The following CLSTN2 variants were observed in gnomAD, a reference collection of about 807,000 sequenced individuals.
The protein encoded by CLSTN2 is calsyntenin 2.
CLSTN2 carries 48 observed loss-of-function variants against 101.2 expected under a neutral mutation model. The observed-to-expected ratio is 0.47, with a 90% CI of 0.38 to 0.60. CLSTN2 has a LOEUF of 0.60. Among genes scored for constraint, CLSTN2 ranks in the 20% least tolerant of loss-of-function variants. The pLI, the probability that CLSTN2 is intolerant of heterozygous loss-of-function variation, is 0.00. For synonymous variants in CLSTN2, 481 were observed against 463.6 expected (o/e 1.04, Z -0.48); for missense variants, 1,160 against 1,238.2 (o/e 0.94, Z 0.95).
At chr3:140,490,588 T>C (rs1383223766) in intron 8 of CLSTN2, among the ~76,000 whole-genome samples, 3 of 142,732 alleles carry the variant, frequency 2.1e-5, no homozygotes, top group Non-Finnish European at 4.6e-5. Context: ...GAGCGAGACC[T>C]TGTCTCAGAA....
intron 1 of CLSTN2, among the ~76,000 whole-genome samples, chr3:140,065,941 T>C (rs2008291848): frequency 6.6e-6 from 1 of 152,220 alleles, no homozygotes; most frequent in Non-Finnish European, 1.5e-5. Flanking sequence ...ATGGTTTTCA[T>C]GTTTTCATGA....
chr3:140,000,116 G>A (rs1422015726), intron 1 of CLSTN2, among the ~76,000 whole-genome samples: 2 of 151,282 alleles, frequency 1.3e-5, no homozygotes, highest in African/African-American at 2.4e-5. Flanking sequence ...AGCAGTGTGG[G>A]GCTAGCAATG....
At chr3:140,008,535 TCTTGCAATGTGTGGGGGTC>T (rs1039888853) in intron 1 of CLSTN2, among the ~76,000 whole-genome samples, 2 of 152,216 alleles carry the variant, frequency 1.3e-5, no homozygotes, top group East Asian at 3.9e-4. Context: ...AGGCAGCTGT[TCTTGCAATGTGTGGGGGTC>T]CTCCGGGGCC....
chr3:140,115,806 G>A (rs769672453), intron 1 of CLSTN2, among the ~76,000 whole-genome samples: 33 of 152,286 alleles, frequency 2.2e-4, no homozygotes, highest in Admixed American at 1.0e-3. Flanking sequence ...CAACTGCTCC[G>A]AAGCTTTCAT....
At chr3:140,425,430 A>C (rs1190397370) in intron 5 of CLSTN2, among the ~76,000 whole-genome samples, 1 of 152,252 alleles carries the variant, frequency 6.6e-6, no homozygotes, top group Non-Finnish European at 1.5e-5. Flanking sequence ...TATGCACAGA[A>C]GGACATCTCA....
At chr3:140,265,943 C>T (rs1284622732) in intron 2 of CLSTN2, among the ~76,000 whole-genome samples, 10 of 152,202 alleles carry the variant, frequency 6.6e-5, no homozygotes, top group Non-Finnish European at 1.5e-4. Flanking sequence ...TTGGATCCCT[C>T]ACTGCATAGT....
intron 1 of CLSTN2, among the ~76,000 whole-genome samples, chr3:139,941,668 GT>G (rs1935133733): frequency 6.6e-6 from 1 of 152,202 alleles, no homozygotes; most frequent in Non-Finnish European, 1.5e-5. Context: ...ATGTTGATGG[GT>G]GGGTAGGCAT....
intron 2 of CLSTN2, among the ~76,000 whole-genome samples, chr3:140,280,617 C>A (rs908234247): frequency 3.9e-5 from 6 of 152,172 alleles, no homozygotes; most frequent in African/African-American, 1.2e-4. Flanking sequence ...TCCCTTGAAG[C>A]TTGAATTTCT....
At chr3:140,053,513 G>C (rs2008041641) in intron 1 of CLSTN2, among the ~76,000 whole-genome samples, 3 of 152,202 alleles carry the variant, frequency 2.0e-5, no homozygotes, top group African/African-American at 7.2e-5. Flanking sequence ...ACCAGATGCA[G>C]CGTGGTGGTG....
chr3:140,000,101 A>T lies in CLSTN2; in HGVS notation c.109+64618A>T, dbSNP rs546837944. Among the ~76,000 whole-genome samples, 18 of 139,310 alleles carry T rather than the reference A, an allele frequency of 1.3e-4. No homozygotes were observed. In the South Asian group the frequency reaches 4.3e-3, roughly 33 times the overall value. 91.4% of individuals were successfully genotyped at this position (139,310 alleles called of 152,430 possible). A position where few individuals can be genotyped will look rare whatever the true frequency, so the allele number is the denominator to read the frequency against. ...CATATAGTCATCCCCTTTAAGATTT[A>T]CAGCAGCAGTGTGGGGCTAGCAATG... On this transcript the variant is annotated intron_variant, in intron 1 of 16. Coordinates refer to ENST00000458420, the MANE Select transcript of CLSTN2 (RefSeq NM_022131.3).
chr3:140,155,678 C>G (rs1010044044), intron 1 of CLSTN2, among the ~76,000 whole-genome samples: 9 of 152,114 alleles, frequency 5.9e-5, no homozygotes, highest in African/African-American at 2.2e-4. Flanking sequence ...ATTGGGAAAT[C>G]CTAGATAATA....
chr3:139,945,739 T>A (rs998333263), intron 1 of CLSTN2, among the ~76,000 whole-genome samples: 1 of 152,220 alleles, frequency 6.6e-6, no homozygotes, highest in African/African-American at 2.4e-5. Context: ...AACAGATAAA[T>A]GTTAATCTAA....
chr3:140,133,165 CAA>C (rs1021790598), intron 1 of CLSTN2, among the ~76,000 whole-genome samples: 1 of 152,028 alleles, frequency 6.6e-6, no homozygotes, highest in Non-Finnish European at 1.5e-5. Context: ...GGAAAGGGAC[CAA>C]GAGAGAGGGA....
At chr3:140,002,955 G>T (rs963442259) in intron 1 of CLSTN2, among the ~76,000 whole-genome samples, 21 of 152,084 alleles carry the variant, frequency 1.4e-4, no homozygotes, top group African/African-American at 5.1e-4. Flanking sequence ...ATGCTGTTTT[G>T]GTTACTATAG....
At chr3:140,398,958 A>G (rs2088212550) in intron 2 of CLSTN2, among the ~76,000 whole-genome samples, 1 of 152,206 alleles carries the variant, frequency 6.6e-6, no homozygotes, top group East Asian at 1.9e-4. Flanking sequence ...TGTCTCACTC[A>G]GGCACAGCAG....
At chr3:140,466,792 C>A (rs1469873728) in intron 8 of CLSTN2, 61 bp downstream of exon 8, 10 of 1,606,878 alleles carry the variant, frequency 6.2e-6, no homozygotes, top group Non-Finnish European at 8.5e-6. Flanking sequence ...CCAGTCCAAT[C>A]CAATGGTGAT....
At chr3:140,257,561 GGTGTGTGTGTGTGT>G (rs397877641) in intron 2 of CLSTN2, among the ~76,000 whole-genome samples, 7 of 93,062 alleles carry the variant, frequency 7.5e-5, no homozygotes, top group East Asian at 2.1e-4. Context: ...TCTTTCTAGG[GGTGTGTGTGTGTGT>G]GTGTGTGTGT....
chr3:140,251,638 C>CTT (rs776684132), intron 2 of CLSTN2, among the ~76,000 whole-genome samples: 3 of 146,736 alleles, frequency 2.0e-5, no homozygotes, highest in South Asian at 2.2e-4. Flanking sequence ...CTTTCCTTTC[C>CTT]TCTTTTTGCT....
At chr3:140,440,370 T>G (rs181114300) in intron 5 of CLSTN2, among the ~76,000 whole-genome samples, 1 of 152,152 alleles carries the variant, frequency 6.6e-6, no homozygotes, top group African/African-American at 2.4e-5. Context: ...TAAAATATAG[T>G]AAATGGAAAA....
Sources: allele counts gnomAD v4.1 joint callset (sites outside exome capture counted in the v4.1 genomes callset), GRCh38; gene constraint gnomAD v4.1.1; transcripts MANE v1.5; gene names NCBI Gene and HGNC (gene_info 2026-07-23, HGNC 2026-07-21).